Variants in WWOX observed in about 807,000 individuals in gnomAD.
WWOX encodes WW domain-containing oxidoreductase.
In WWOX, 69 loss-of-function variants were observed where a neutral mutation model predicts 46.2. That is an observed-to-expected ratio of 1.49 (90% CI 1.23 to 1.82). WWOX has a LOEUF of 1.82. Ranked by LOEUF, WWOX falls within the 40% of genes most tolerant of loss-of-function variation. WWOX has a pLI of 0.00. For synonymous variants in WWOX, 359 were observed against 202.6 expected (o/e 1.77, Z -6.56); for missense variants, 919 against 542.6 (o/e 1.69, Z -6.89).
At chr16:78,155,895 T>C (rs2151726546) in intron 4 of WWOX, among the ~76,000 whole-genome samples, 1 of 152,290 alleles carries the variant, frequency 6.6e-6, no homozygotes, top group Admixed American at 6.5e-5. Context: ...TTATTAAGCT[T>C]TTTTTATATA....
At chr16:78,415,716 C>G in intron 6 of WWOX, among the ~76,000 whole-genome samples, 1 of 152,228 alleles carries the variant, frequency 6.6e-6, no homozygotes, top group Middle Eastern at 3.4e-3. Flanking sequence ...AGGAGCTGGT[C>G]CCTTTGCAGT....
chr16:78,803,557 C>A (rs2050951198), intron 8 of WWOX, among the ~76,000 whole-genome samples: 1 of 152,140 alleles, frequency 6.6e-6, no homozygotes, highest in African/African-American at 2.4e-5. Context: ...AGCAGTCGTC[C>A]TGCCTCAGCC....
At chr16:78,788,428 C>G (rs758325041) in intron 8 of WWOX, among the ~76,000 whole-genome samples, 1 of 152,166 alleles carries the variant, frequency 6.6e-6, no homozygotes, top group African/African-American at 2.4e-5. Context: ...TGTGAGTCTT[C>G]AGACCCTCCC....
chr16:79,129,388 C>G (rs982990441), intron 8 of WWOX, among the ~76,000 whole-genome samples: 3 of 147,278 alleles, frequency 2.0e-5, no homozygotes, highest in Non-Finnish European at 4.5e-5. Flanking sequence ...TGCAGTCTAT[C>G]TCGTATGGAA....
In WWOX at chr16:78,815,932, C is replaced by G. The variant is rs559800943; in HGVS notation, c.1056+383180C>G. Among the ~76,000 whole-genome samples, 7 of 152,196 alleles carry G rather than the reference C, an allele frequency of 4.6e-5. No homozygotes were observed. The East Asian group carries it at 9.6e-4, about 21-fold the overall frequency. On this transcript the variant is annotated intron_variant, in intron 8 of 8. Transcript: ENST00000566780. ...GTTCTCTCCCCAACCCATTCACTGGCCCTGCTCTCTCTCGATGTTCCCAAG... is the reference window on the plus strand; with the variant it reads ...GTTCTCTCCCCAACCCATTCACTGGGCCTGCTCTCTCTCGATGTTCCCAAG...
intron 8 of WWOX, among the ~76,000 whole-genome samples, chr16:78,489,672 A>T (rs1250068189): frequency 6.6e-6 from 1 of 152,134 alleles, no homozygotes; most frequent in East Asian, 1.9e-4. Flanking sequence ...AAAGAAGAGG[A>T]TGGAAATGGC....
intron 8 of WWOX, among the ~76,000 whole-genome samples, chr16:79,115,655 C>G (rs7185752): frequency 0.13 from 20,185 of 152,118 alleles, 2,654 homozygotes; most frequent in African/African-American, 0.34. Flanking sequence ...ATTTTCTGAG[C>G]TGGTGATGAG....
chr16:78,203,861 G>C (rs535559499), intron 5 of WWOX, among the ~76,000 whole-genome samples: 5 of 152,334 alleles, frequency 3.3e-5, no homozygotes, highest in African/African-American at 1.2e-4. Context: ...ACATAAAGGA[G>C]ACCTTCCCTG....
chr16:79,147,756 G>C (rs2050207644), intron 8 of WWOX, among the ~76,000 whole-genome samples: 1 of 152,074 alleles, frequency 6.6e-6, no homozygotes. Flanking sequence ...TGGTGTTGCA[G>C]TTTTTTATTT....
chr16:78,616,672 G>A (rs1418850711), intron 8 of WWOX, among the ~76,000 whole-genome samples: 1 of 152,008 alleles, frequency 6.6e-6, no homozygotes. Context: ...GGAAGGGTGA[G>A]GCAGAATTGC....
intron 8 of WWOX, among the ~76,000 whole-genome samples, chr16:78,596,607 C>G (rs1006530305): frequency 3.3e-5 from 5 of 152,118 alleles, no homozygotes; most frequent in Non-Finnish European, 4.4e-5. Context: ...TAGAGGAAAC[C>G]TAGACCTATG....
chr16:78,862,260 G>A (rs1371320940), intron 8 of WWOX, among the ~76,000 whole-genome samples: 3 of 150,236 alleles, frequency 2.0e-5, no homozygotes, highest in Admixed American at 6.6e-5. Context: ...GTGTCTGTCT[G>A]TACCTATACA....
intron 8 of WWOX, among the ~76,000 whole-genome samples, chr16:78,735,891 T>C (rs9925796): frequency 0.31 from 47,431 of 152,058 alleles, 11,903 homozygotes; most frequent in African/African-American, 0.7. Flanking sequence ...TTCTTGTCTA[T>C]CCAGAAACCG....
chr16:78,541,680 G>A (rs187381763), intron 8 of WWOX, among the ~76,000 whole-genome samples: 1 of 151,770 alleles, frequency 6.6e-6, no homozygotes, highest in Non-Finnish European at 1.5e-5. Context: ...GTGTGACATT[G>A]AAAAAGTGAT....
intron 8 of WWOX, among the ~76,000 whole-genome samples, chr16:78,444,074 A>C (rs2083504532): frequency 6.6e-6 from 1 of 152,218 alleles, no homozygotes; most frequent in South Asian, 2.1e-4. Context: ...AAGAGGGCTG[A>C]AACCTGGTGC....
At chr16:78,495,460 G>GT (rs1378088082) in intron 8 of WWOX, among the ~76,000 whole-genome samples, 1 of 77,376 alleles carries the variant, frequency 1.3e-5, no homozygotes, top group African/African-American at 2.8e-5. Flanking sequence ...CTTTTGATAG[G>GT]GTTTTTTTTC....
chr16:79,003,627 C>G (rs542353154), intron 8 of WWOX, among the ~76,000 whole-genome samples: 5 of 152,162 alleles, frequency 3.3e-5, no homozygotes, highest in African/African-American at 4.8e-5. Flanking sequence ...GCTTTTGTCA[C>G]ATGTCCAGGG....
At chr16:78,832,943 C>G (rs1315517329) in intron 8 of WWOX, among the ~76,000 whole-genome samples, 1 of 151,812 alleles carries the variant, frequency 6.6e-6, no homozygotes, top group Admixed American at 6.6e-5. Flanking sequence ...GGATTTCTGC[C>G]ATTTGGACAA....
chr16:78,305,950 A>G (rs1422860880), intron 5 of WWOX, among the ~76,000 whole-genome samples: 2 of 152,088 alleles, frequency 1.3e-5, no homozygotes, highest in Non-Finnish European at 2.9e-5. Context: ...ACCAAGAATT[A>G]CTTTCCTTTG....
Sources: allele counts gnomAD v4.1 joint callset (sites outside exome capture counted in the v4.1 genomes callset), GRCh38; gene constraint gnomAD v4.1.1; transcripts MANE v1.5; gene names NCBI Gene and HGNC (gene_info 2026-07-23, HGNC 2026-07-21).